STIL: variants seen among roughly 807,000 people sequenced by gnomAD.
The protein encoded by STIL is SCL-interrupting locus protein.
STIL carries 55 observed loss-of-function variants against 110.1 expected under a neutral mutation model. The ratio of observed to expected loss-of-function variants is 0.50; its 90% CI spans 0.40 to 0.63. The LOEUF is 0.63. Ranked by LOEUF, STIL falls within the 20% of genes least tolerant of loss-of-function variation. STIL has a pLI of 0.00. For missense variants in STIL, 1,358 were observed against 1,530.0 expected (o/e 0.89, Z 1.87); for synonymous variants, 481 against 530.0 (o/e 0.91, Z 1.27).
chr1:47,298,995 C>T (rs1370112422), intron 6 of STIL, among the ~76,000 whole-genome samples: 2 of 151,130 alleles, frequency 1.3e-5, no homozygotes, highest in Non-Finnish European at 2.9e-5. Context: ...GTGATCCACC[C>T]GCCTCGGCCT....
chr1:47,266,212 G>C (rs1244993528), intron 14 of STIL, among the ~76,000 whole-genome samples: 1 of 152,084 alleles, frequency 6.6e-6, no homozygotes, highest in East Asian at 1.9e-4. Flanking sequence ...ATACTAAAAG[G>C]AGATGTTTCT....
At chr1:47,291,583 A>T (rs1011517627) in intron 8 of STIL, among the ~76,000 whole-genome samples, 1 of 150,672 alleles carries the variant, frequency 6.6e-6, no homozygotes, top group Non-Finnish European at 1.5e-5. Flanking sequence ...TTTATTTTTT[A>T]TTTATTTATT....
At position 47,280,700 on chromosome 1, in the gene STIL, T is replaced by C; in HGVS notation, c.1758A>G (p.Glu586=). ...FSPHNSGRPM[E]LQIPTPPLPS... is the part of the protein sequence containing the mutation. ...GCAGTGGGGGAGTAGGTATCTGAAG[T>C]TCCATTGGTCTTCCTGAATTATGGG... Residue 586 remains glutamate (E), a synonymous_variant, in exon 12 of 17, where the codon GAA becomes GAG. Coordinates refer to ENST00000371877, the MANE Select transcript of STIL (RefSeq NM_001048166.1). 12 of 1,614,208 alleles carry C rather than the reference T, an allele frequency of 7.4e-6. No individual in the cohort carries two copies. Among genetic ancestry groups the C allele is most frequent in the Non-Finnish European group, 9.3e-6 (11 of 1,180,042 alleles).
chr1:47,278,208 G>T (rs1570139575), intron 12 of STIL, among the ~76,000 whole-genome samples: 1 of 152,306 alleles, frequency 6.6e-6, no homozygotes, highest in East Asian at 1.9e-4. Flanking sequence ...TGCAATAGCA[G>T]AAGCTTTAAA....
chr1:47,283,411 CTCT>C (rs1441226673), intron 10 of STIL: 1 of 152,262 alleles, frequency 6.6e-6, no homozygotes, highest in Non-Finnish European at 1.5e-5. Flanking sequence ...TCCCACAAAG[CTCT>C]TCTCCAACAC....
At chr1:47,278,007 C>A (rs1194407779) in intron 12 of STIL, among the ~76,000 whole-genome samples, 1 of 152,100 alleles carries the variant, frequency 6.6e-6, no homozygotes, top group Admixed American at 6.6e-5. Context: ...GGTACCACAG[C>A]CCACTCTCTT....
intron 1 of STIL, among the ~76,000 whole-genome samples, chr1:47,313,408 CCA>C (rs1646194447): frequency 2.0e-5 from 3 of 151,154 alleles, no homozygotes; most frequent in African/African-American, 7.2e-5. Context: ...CAATCCAGCC[CCA>C]CTCTATTATT....
chr1:47,273,615 G>T (rs1192094585), intron 12 of STIL, among the ~76,000 whole-genome samples: 1 of 152,144 alleles, frequency 6.6e-6, no homozygotes, highest in Non-Finnish European at 1.5e-5. Context: ...CAGACATTTA[G>T]GTTGTTTTCA....
intron 16 of STIL, among the ~76,000 whole-genome samples, chr1:47,254,180 CAAAAAAAAA>C (rs59259774): frequency 1.6e-5 from 1 of 61,408 alleles, no homozygotes. Flanking sequence ...GACTCTGTCT[CAAAAAAAAA>C]AAAAAAAAAA....
chr1:47,276,317 T>G (rs1199775967), intron 12 of STIL, among the ~76,000 whole-genome samples: 1 of 151,886 alleles, frequency 6.6e-6, no homozygotes, highest in Non-Finnish European at 1.5e-5. Flanking sequence ...TATTTAACTG[T>G]ATCTAAACTG....
intron 7 of STIL, among the ~76,000 whole-genome samples, chr1:47,295,057 G>A (rs968172321): frequency 3.9e-5 from 6 of 152,040 alleles, no homozygotes; most frequent in Non-Finnish European, 5.9e-5. Context: ...AAGTAGCTGG[G>A]ATTACAGGCA....
chr1:47,285,235 T>C (rs967250694), intron 10 of STIL, among the ~76,000 whole-genome samples: 4 of 152,072 alleles, frequency 2.6e-5, no homozygotes, highest in Admixed American at 2.6e-4. Context: ...TTTCGCCACA[T>C]TGCCCAGGCT....
chr1:47,279,123 C>G (rs1166592066), intron 12 of STIL, among the ~76,000 whole-genome samples: 1 of 151,986 alleles, frequency 6.6e-6, no homozygotes, highest in East Asian at 1.9e-4. Context: ...TAGTGAAACT[C>G]CGTCTCTACT....
At chr1:47,266,013 T>G (rs957655057) in intron 14 of STIL, among the ~76,000 whole-genome samples, 1 of 151,970 alleles carries the variant, frequency 6.6e-6, no homozygotes, top group African/African-American at 2.4e-5. Context: ...AGCAATCGGT[T>G]CACTTTGGCC....
chr1:47,267,609 G>A (rs1457147657), intron 14 of STIL, among the ~76,000 whole-genome samples: 1 of 150,230 alleles, frequency 6.7e-6, no homozygotes, highest in African/African-American at 2.5e-5. Flanking sequence ...GGAGGCTGAG[G>A]TTGCAGTGAG....
intron 15 of STIL, 82 bp from the exon 16 acceptor site, chr1:47,260,621 C>G: frequency 6.8e-7 from 1 of 1,461,592 alleles, no homozygotes; most frequent in Non-Finnish European, 9.5e-7. Flanking sequence ...ACCTATAATC[C>G]CAGCACTTTG....
chr1:47,252,915 T>A (rs1644228067), intron 16 of STIL, among the ~76,000 whole-genome samples: 1 of 152,066 alleles, frequency 6.6e-6, no homozygotes, highest in South Asian at 2.1e-4. Context: ...ACATATATAA[T>A]AAATAGCTGC....
chr1:47,275,929 G>C (rs376190725), intron 12 of STIL, among the ~76,000 whole-genome samples: 1 of 151,824 alleles, frequency 6.6e-6, no homozygotes, highest in Admixed American at 6.6e-5. Context: ...GCCCAGCCAA[G>C]AATAAATTTT....
chr1:47,268,882 A>G (rs1221080848), intron 14 of STIL, among the ~76,000 whole-genome samples: 1 of 152,108 alleles, frequency 6.6e-6, no homozygotes, highest in Non-Finnish European at 1.5e-5. Context: ...TCACGAGGTC[A>G]GGAGATCGAG....
Sources: gnomAD v4.1 joint callset for allele counts (sites outside exome capture counted in the v4.1 genomes callset) on GRCh38, gnomAD v4.1.1 for gene constraint, MANE v1.5 for transcripts, NCBI Gene and HGNC (gene_info 2026-07-23, HGNC 2026-07-21) for gene names.